FANCI: variants seen among roughly 807,000 people sequenced by gnomAD.
The protein encoded by FANCI is FA complementation group I, also known as Fanconi anemia group I protein.
A neutral mutation model predicts 176.1 loss-of-function variants in FANCI; 156 were observed. That is an observed-to-expected ratio of 0.89 (90% CI 0.78 to 1.01). The LOEUF (loss-of-function observed/expected upper bound fraction) is 1.01, where lower values mean the gene tolerates loss of function less well. Among genes scored for constraint, FANCI ranks in the 50% least tolerant of loss-of-function variants. The pLI is 0.00. For synonymous variants in FANCI, 613 were observed against 541.7 expected (o/e 1.13, Z -1.83); for missense variants, 1,678 against 1,534.1 (o/e 1.09, Z -1.57).
chr15:89,278,826 A>G (rs767537660), intron 14 of FANCI, 52 bp downstream of exon 14: 22 of 1,477,312 alleles, frequency 1.5e-5, no homozygotes, highest in Non-Finnish European at 2.0e-5. Flanking sequence ...TTTCATTTCA[A>G]TGTCATAATC....
chr15:89,258,540 A>G (rs1479790573), intron 2 of FANCI, among the ~76,000 whole-genome samples, 164 bp from the exon 3 acceptor site: 3 of 152,210 alleles, frequency 2.0e-5, no homozygotes, highest in Non-Finnish European at 2.9e-5. Flanking sequence ...ATCCAGGATC[A>G]TATTAAGATA....
chr15:89,279,779 C>A (rs1201930442), intron 14 of FANCI, among the ~76,000 whole-genome samples: 1 of 152,028 alleles, frequency 6.6e-6, no homozygotes, highest in African/African-American at 2.4e-5. Context: ...TCATTTTTCT[C>A]CCTCATACTG....
intron 10 of FANCI, among the ~76,000 whole-genome samples, chr15:89,270,540 A>G (rs1460663401): frequency 6.6e-6 from 1 of 151,876 alleles, no homozygotes; most frequent in Non-Finnish European, 1.5e-5. Flanking sequence ...TGTCCTCACA[A>G]TCTGTTCCCA....
At position 89,291,603 on chromosome 15, in the gene FANCI, C is replaced by A; in HGVS notation, c.1891-10C>A. ...GAGCCAAGATGTCTTTTTTTTCTTA[C>A]TATACACAGTTAAAACAGTTCTATG... is the stretch of plus-strand genomic sequence containing the variant. On this transcript the variant is annotated splice_polypyrimidine_tract_variant and intron_variant, in intron 19 of 37. Transcript: ENST00000310775. 2 of 1,608,426 alleles carry A rather than the reference C, an allele frequency of 1.2e-6. No homozygotes were observed. Among genetic ancestry groups the A allele is most frequent in the Non-Finnish European group, 1.7e-6 (2 of 1,175,150 alleles).
At chr15:89,269,381 C>G (rs1213941695) in intron 10 of FANCI, among the ~76,000 whole-genome samples, 29 of 152,168 alleles carry the variant, frequency 1.9e-4, no homozygotes, top group African/African-American at 2.4e-5. Context: ...ACAGTTGTCT[C>G]TAAAATGTCT....
intron 16 of FANCI, chr15:89,282,211 G>A (rs552346652): frequency 1.2e-4 from 34 of 275,174 alleles, no homozygotes; most frequent in Admixed American, 1.1e-3. Flanking sequence ...AATCTTCAGG[G>A]TAATGTTCTA....
At chr15:89,284,973 C>A in intron 17 of FANCI, 123 bp from the exon 18 acceptor site, 1 of 1,051,096 alleles carries the variant, frequency 9.5e-7, no homozygotes, top group Non-Finnish European at 1.5e-6. Flanking sequence ...CTGTGTGTCT[C>A]ACCCCTGGGG....
At chr15:89,252,838 T>A (rs564238825) in intron 2 of FANCI, among the ~76,000 whole-genome samples, 79 of 152,316 alleles carry the variant, frequency 5.2e-4, no homozygotes, top group African/African-American at 1.9e-3. Flanking sequence ...TAAGAAGATA[T>A]CCCCTGTTCT....
At chr15:89,307,863 CT>C in intron 34 of FANCI, 191 bp downstream of exon 34, 1 of 1,460,672 alleles carries the variant, frequency 6.8e-7, no homozygotes, top group Non-Finnish European at 9.0e-7. Flanking sequence ...GTAAAGAAAA[CT>C]GTTTCACTTA....
At chr15:89,276,608 TTATC>T in intron 12 of FANCI, 99 bp from the exon 13 acceptor site, 3 of 1,256,984 alleles carry the variant, frequency 2.4e-6, no homozygotes, top group Non-Finnish European at 3.5e-6. Flanking sequence ...AGTACGTTGA[TTATC>T]TAGGTCAAGT....
intron 7 of FANCI, among the ~76,000 whole-genome samples, 195 bp from the exon 8 acceptor site, chr15:89,263,708 C>T (rs1213169384): frequency 6.6e-6 from 1 of 152,026 alleles, no homozygotes; most frequent in Non-Finnish European, 1.5e-5. Context: ...TATTGGTTCC[C>T]TTAAAGGTTC....
chr15:89,284,749 A>G (rs1426946688), intron 17 of FANCI, among the ~76,000 whole-genome samples: 1 of 152,230 alleles, frequency 6.6e-6, no homozygotes, highest in Non-Finnish European at 1.5e-5. Flanking sequence ...TCTTCTAGCT[A>G]TTGAAGAAGT....
chr15:89,256,514 C>A (rs2052500102), intron 2 of FANCI, among the ~76,000 whole-genome samples: 1 of 152,194 alleles, frequency 6.6e-6, no homozygotes, highest in East Asian at 1.9e-4. Flanking sequence ...TTCTGTGACA[C>A]CTCTCTCTCG....
chr15:89,263,397 C>G (rs764133078), intron 6 of FANCI, 22 bp from the exon 7 acceptor site: 40 of 1,605,870 alleles, frequency 2.5e-5, no homozygotes, highest in Non-Finnish European at 3.2e-5. Context: ...AAGAAATAAA[C>G]TTTGTCATTT....
chr15:89,292,603 T>A, intron 20 of FANCI, 85 bp from the exon 21 acceptor site: 1 of 1,330,098 alleles, frequency 7.5e-7, no homozygotes, highest in South Asian at 1.2e-5. Context: ...GCCTTATAGA[T>A]AAGAATTATT....
chr15:89,284,056 C>T (rs917624976), intron 17 of FANCI, among the ~76,000 whole-genome samples: 2 of 152,130 alleles, frequency 1.3e-5, no homozygotes, highest in African/African-American at 4.8e-5. Flanking sequence ...CCACCACACC[C>T]GGCCCATATT....
chr15:89,268,170 C>T (rs574454731), intron 9 of FANCI, among the ~76,000 whole-genome samples: 15 of 152,208 alleles, frequency 9.9e-5, no homozygotes, highest in Non-Finnish European at 1.6e-4. Context: ...TCTTGGCTCA[C>T]GGCAACGTCC....
chr15:89,311,239 A>T (rs2054945350), intron 34 of FANCI, among the ~76,000 whole-genome samples: 1 of 151,746 alleles, frequency 6.6e-6, no homozygotes, highest in African/African-American at 2.4e-5. Context: ...AGCCTGGGCA[A>T]CAGAGCATGA....
At chr15:89,283,401 TG>T (rs2151584132) in intron 17 of FANCI, 151 bp downstream of exon 17, 1 of 1,268,258 alleles carries the variant, frequency 7.9e-7, no homozygotes, top group Non-Finnish European at 1.1e-6. Context: ...ATGATGATGA[TG>T]ATGATGATAT....
Sources: gnomAD v4.1 joint callset for allele counts (sites outside exome capture counted in the v4.1 genomes callset) on GRCh38, gnomAD v4.1.1 for gene constraint, MANE v1.5 for transcripts, NCBI Gene and HGNC (gene_info 2026-07-23, HGNC 2026-07-21) for gene names.